ATP2A2: variants seen among roughly 807,000 people sequenced by gnomAD.
ATP2A2 encodes the protein ATPase sarcoplasmic/endoplasmic reticulum Ca2+ transporting 2, also known as sarcoplasmic/endoplasmic reticulum calcium ATPase 2.
Under a neutral mutation model 109.3 loss-of-function variants are expected in ATP2A2, and 14 were observed. That is an observed-to-expected ratio of 0.13 (90% CI 0.08 to 0.20). The LOEUF is 0.20. ATP2A2 is among the 10% of genes least tolerant of loss of function. The probability of loss-of-function intolerance (pLI) is 1.00; values close to 1 mark genes in which losing one functional copy is unlikely to be tolerated. For synonymous variants in ATP2A2, 506 were observed against 490.9 expected, an observed-to-expected ratio of 1.03 and a Z score of -0.41; for missense variants, 657 against 1,321.6, an observed-to-expected ratio of 0.50 and a Z score of 7.80.
intron 8 of ATP2A2, 76 bp from the exon 9 acceptor site, chr12:110,332,521 C>T: frequency 1.6e-6 from 2 of 1,251,026 alleles, no homozygotes; most frequent in Admixed American, 1.7e-5. Flanking sequence ...TTGTCCTAAG[C>T]TAACAAAGGT....
At chr12:110,333,949 A>C (rs1878586579) in intron 10 of ATP2A2, 63 bp from the exon 11 acceptor site, 2 of 1,606,036 alleles carry the variant, frequency 1.2e-6, no homozygotes, top group East Asian at 4.5e-5. Flanking sequence ...AAAAAATATT[A>C]AAGATAAATT....
chr12:110,287,697 C>T (rs1012273818), intron 3 of ATP2A2, among the ~76,000 whole-genome samples: 2 of 152,164 alleles, frequency 1.3e-5, no homozygotes, highest in Non-Finnish European at 2.9e-5. Flanking sequence ...TCACTGCAAC[C>T]TCCACCTCCC....
intron 5 of ATP2A2, among the ~76,000 whole-genome samples, chr12:110,311,549 T>C (rs544841143): frequency 4.1e-3 from 510 of 123,852 alleles, no homozygotes; most frequent in Non-Finnish European, 5.9e-3. Context: ...TGAGCCAAGA[T>C]CGCGCCACTG....
chr12:110,338,157 C>T (rs1879017569), intron 11 of ATP2A2, among the ~76,000 whole-genome samples: 1 of 152,204 alleles, frequency 6.6e-6, no homozygotes. Flanking sequence ...CCATAGTCCT[C>T]AGCCATTTCT....
At chr12:110,326,176 G>C in intron 6 of ATP2A2, 2 of 571,336 alleles carry the variant, frequency 3.5e-6, no homozygotes, top group Non-Finnish European at 3.1e-6. Context: ...TTTTGGAATT[G>C]TGTTGATTTT....
At position 110,348,843 on chromosome 12, in the gene ATP2A2, C is replaced by A. The variant is rs986735246; in HGVS notation, c.*2373C>A. On this transcript the variant is annotated 3_prime_UTR_variant, in exon 20 of 20. Coordinates refer to ENST00000539276, the MANE Select transcript of ATP2A2 (RefSeq NM_170665.4). Reference sequence around the variant, plus strand: ...CCAGTTTGAGCATCATGAGGTGTAACAAGAAATGGGTTGAATGGGCCAAAT... The same window carrying A: ...CCAGTTTGAGCATCATGAGGTGTAAAAAGAAATGGGTTGAATGGGCCAAAT... 5.1e-6 allele frequency: 5 copies of A among 985,428 alleles called. No individual in the cohort carries two copies. The highest frequency in any genetic ancestry group is 6.0e-6 in the Non-Finnish European group (5 of 829,960). The allele number at this position is 985,428 out of a possible 1,614,324, so 61.0% of individuals were successfully genotyped here. A position where few individuals can be genotyped will look rare whatever the true frequency, so the allele number is the denominator to read the frequency against.
chr12:110,281,630 T>G lies in ATP2A2; in HGVS notation c.-160T>G, dbSNP rs1592781908. 2.4e-6 allele frequency: 1 copy of G among 410,946 alleles called. No homozygotes were observed. The highest frequency in any genetic ancestry group is 4.6e-5 in the South Asian group (1 of 21,680). The allele number at this position is 410,946 out of a possible 1,614,324, so 25.5% of individuals were successfully genotyped here. A position where few individuals can be genotyped will look rare whatever the true frequency, so the allele number is the denominator to read the frequency against. Reference sequence around the variant, plus strand: ...GTTGTCTGGGGGAGGGGGCGCGGGGTGATTCAGCGCCCGGCGAGGCGGAAG... The same window carrying G: ...GTTGTCTGGGGGAGGGGGCGCGGGGGGATTCAGCGCCCGGCGAGGCGGAAG... On this transcript the variant is annotated 5_prime_UTR_variant, in exon 1 of 20. Transcript: ENST00000539276.
At position 110,323,077 on chromosome 12, in the gene ATP2A2, A is replaced by C. The variant is rs889706585; in HGVS notation, c.544+5A>C. The C allele has an allele frequency of 6.3e-7, 1 of 1,593,304 alleles. No homozygotes were observed. The highest frequency in any genetic ancestry group is 1.3e-5 in the African/African-American group (1 of 74,408). On this transcript the variant is annotated splice_donor_5th_base_variant and intron_variant, in intron 6 of 19. Coordinates refer to ENST00000539276, the MANE Select transcript of ATP2A2 (RefSeq NM_170665.4). Reference sequence around the variant, plus strand: ...TTGACCAGTCAATTCTCACAGGTAAATATGATATATTAAGTCATTGAATTT... The same window carrying C: ...TTGACCAGTCAATTCTCACAGGTAACTATGATATATTAAGTCATTGAATTT...
chr12:110,338,336 A>G (rs912644392), intron 11 of ATP2A2, among the ~76,000 whole-genome samples: 29 of 152,230 alleles, frequency 1.9e-4, no homozygotes, highest in African/African-American at 6.8e-4. Flanking sequence ...GTGGCCACAG[A>G]GCATTGCCAT....
chr12:110,334,188 G>T, intron 11 of ATP2A2, 45 bp downstream of exon 11: 2 of 1,608,800 alleles, frequency 1.2e-6, no homozygotes, highest in East Asian at 2.2e-5. Flanking sequence ...CTTATCAGTC[G>T]TACTATATAT....
At chr12:110,329,884 A>G (rs763051484) in intron 8 of ATP2A2, 1 of 152,246 alleles carries the variant, frequency 6.6e-6, no homozygotes, top group African/African-American at 2.4e-5. Flanking sequence ...GTCTATTCCA[A>G]AAGGTACACA....
chr12:110,348,498 C>T lies in ATP2A2; in HGVS notation c.*2028C>T. On this transcript the variant is annotated 3_prime_UTR_variant, in exon 20 of 20. Transcript: ENST00000539276. ...TTGGGGAGGGTTAGGAGGCATCAAG[C>T]AGGACAAGGTGCTGCTGAGTTCAGA... 1 of 985,430 alleles carries T rather than the reference C, an allele frequency of 1.0e-6. No individual in the cohort carries two copies. Among genetic ancestry groups the T allele is most frequent in the Non-Finnish European group, 1.2e-6 (1 of 829,992 alleles). 61.0% of individuals were successfully genotyped at this position (985,430 alleles called of 1,614,324 possible). A position where few individuals can be genotyped will look rare whatever the true frequency, so the allele number is the denominator to read the frequency against.
chr12:110,287,749 G>A lies in ATP2A2; in HGVS notation c.220-4271G>A, dbSNP rs144806834. ...CCTGCCTCAGCCTCCCGAGTAGCTG[G>A]GATTACAGGCATGCACCACCACGCC... On this transcript the variant is annotated intron_variant, in intron 3 of 19. Transcript: ENST00000539276. 4.7e-3 allele frequency among the ~76,000 whole-genome samples: 716 copies of A among 151,932 alleles called. 4 individuals carry two copies. Among genetic ancestry groups the A allele is most frequent in the African/African-American group, 0.017 (697 of 41,414 alleles).
chr12:110,320,115 A>G (rs1220103998), intron 5 of ATP2A2, among the ~76,000 whole-genome samples: 4 of 152,202 alleles, frequency 2.6e-5, no homozygotes, highest in African/African-American at 4.8e-5. Flanking sequence ...TACATTTTCT[A>G]TTTATTTCAA....
intron 5 of ATP2A2, among the ~76,000 whole-genome samples, chr12:110,305,275 A>G (rs374505838): frequency 4.7e-4 from 71 of 152,178 alleles, no homozygotes; most frequent in African/African-American, 1.5e-3. Context: ...AAGGTGGTAC[A>G]GGCCTGTAGT....
intron 5 of ATP2A2, among the ~76,000 whole-genome samples, chr12:110,313,623 C>A (rs1876341927): frequency 6.6e-6 from 1 of 151,248 alleles, no homozygotes. Flanking sequence ...CCATGGGAAC[C>A]ACCTTTCCTA....
chr12:110,341,801 A>T (rs886303025), intron 14 of ATP2A2, among the ~76,000 whole-genome samples: 1 of 152,192 alleles, frequency 6.6e-6, no homozygotes, highest in Non-Finnish European at 1.5e-5. Flanking sequence ...TGAACCCAGG[A>T]GGCGTGCAGT....
At chr12:110,344,571 A>AG (rs1259376254) in intron 16 of ATP2A2, among the ~76,000 whole-genome samples, 6 of 152,220 alleles carry the variant, frequency 3.9e-5, no homozygotes, top group Non-Finnish European at 8.8e-5. Context: ...GCAGCCTTGA[A>AG]GTACTACCCA....
At chr12:110,304,243 C>T (rs1325613218) in intron 5 of ATP2A2, among the ~76,000 whole-genome samples, 1 of 152,156 alleles carries the variant, frequency 6.6e-6, no homozygotes, top group African/African-American at 2.4e-5. Context: ...ATAACTTGTA[C>T]ATACATGCTT....
Sources: gnomAD v4.1 joint callset for allele counts (sites outside exome capture counted in the v4.1 genomes callset) on GRCh38, gnomAD v4.1.1 for gene constraint, MANE v1.5 for transcripts, NCBI Gene and HGNC (gene_info 2026-07-23, HGNC 2026-07-21) for gene names.